NBEA: variants seen among roughly 807,000 people sequenced by gnomAD.
NBEA encodes the protein lysosomal-trafficking regulator 2.
NBEA carries 44 observed loss-of-function variants against 343.4 expected under a neutral mutation model. The ratio of observed to expected loss-of-function variants is 0.13; its 90% confidence interval spans 0.10 to 0.16. The LOEUF (loss-of-function observed/expected upper bound fraction) is 0.16. Ranked by LOEUF, NBEA falls within the 10% of genes least tolerant of loss-of-function variation. The probability of loss-of-function intolerance (pLI) is 1.00; values close to 1 mark genes in which losing one functional copy is unlikely to be tolerated. For synonymous variants in NBEA, 1,175 were observed against 1,238.7 expected, an observed-to-expected ratio of 0.95 and a Z score of 1.08; for missense variants, 2,555 against 3,631.3, an observed-to-expected ratio of 0.70 and a Z score of 7.62.
intron 1 of NBEA, among the ~76,000 whole-genome samples, chr13:35,039,087 C>T (rs1444495600): frequency 6.6e-6 from 1 of 152,116 alleles, no homozygotes; most frequent in Non-Finnish European, 1.5e-5. Flanking sequence ...GGTTGAGATG[C>T]CTTCTTGTGG....
chr13:35,220,572 A>G (rs1055429417), intron 33 of NBEA, among the ~76,000 whole-genome samples: 9 of 151,902 alleles, frequency 5.9e-5, no homozygotes, highest in Non-Finnish European at 1.0e-4. Context: ...TTATTTATTT[A>G]TTTTATAGGT....
chr13:35,265,521 A>C (rs1024204668), intron 34 of NBEA, among the ~76,000 whole-genome samples: 11 of 152,082 alleles, frequency 7.2e-5, no homozygotes, highest in Admixed American at 6.6e-4. Flanking sequence ...ATAGACATAC[A>C]TACCAATAGG....
intron 36 of NBEA, among the ~76,000 whole-genome samples, chr13:35,337,637 G>A (rs920833750): frequency 2.6e-5 from 4 of 151,950 alleles, no homozygotes; most frequent in African/African-American, 4.8e-5. Flanking sequence ...CCTCCCAGCC[G>A]TCTATAGAAT....
intron 13 of NBEA, among the ~76,000 whole-genome samples, chr13:35,112,517 T>C (rs988517690): frequency 1.3e-5 from 2 of 152,158 alleles, no homozygotes; most frequent in African/African-American, 2.4e-5. Flanking sequence ...TTGAATCATA[T>C]CCATCTGACT....
At chr13:35,579,836 T>G (rs768761951) in intron 45 of NBEA, among the ~76,000 whole-genome samples, 4 of 152,112 alleles carry the variant, frequency 2.6e-5, no homozygotes, top group Non-Finnish European at 5.9e-5. Flanking sequence ...GGCACTGAAG[T>G]TTGAGACAGA....
chr13:35,163,748 A>AT (rs1415967546), intron 23 of NBEA, among the ~76,000 whole-genome samples: 1 of 151,858 alleles, frequency 6.6e-6, no homozygotes, highest in Admixed American at 6.6e-5. Context: ...TCCTTTTCTT[A>AT]TTAAATAAGT....
At chr13:35,432,418 A>G (rs753590145) in intron 39 of NBEA, 25 bp downstream of exon 39, 8 of 1,535,494 alleles carry the variant, frequency 5.2e-6, no homozygotes, top group South Asian at 3.8e-5. Context: ...TTCTTCCACA[A>G]AAATACTTCT....
intron 18 of NBEA, 49 bp downstream of exon 18, chr13:35,142,426 A>G (rs1252310182): frequency 1.5e-6 from 2 of 1,376,850 alleles, no homozygotes; most frequent in Admixed American, 1.7e-5. Flanking sequence ...TACAGTGGAA[A>G]CCCTCTTAAT....
chr13:34,951,775 G>A (rs921892887), intron 1 of NBEA, among the ~76,000 whole-genome samples: 3 of 152,184 alleles, frequency 2.0e-5, no homozygotes, highest in African/African-American at 2.4e-5. Flanking sequence ...ACTTTCACAT[G>A]TTGATGTAGT....
intron 38 of NBEA, among the ~76,000 whole-genome samples, chr13:35,370,264 G>A (rs574151922): frequency 1.3e-5 from 2 of 151,890 alleles, no homozygotes; most frequent in South Asian, 4.2e-4. Context: ...CTCTTGCTGA[G>A]TTGGTCCCTT....
rs572323251 is a variant in NBEA at position 35,519,702 on chromosome 13, C to A, written c.6586-30775C>A. On this transcript the variant is annotated intron_variant, in intron 41 of 58. Coordinates refer to ENST00000379939, the MANE Select transcript of NBEA (RefSeq NM_001385012.1). ...ATGGGGTACATGTGATATTTTGATACATGTATACAATGTGTAATGATCAAA... is the reference window on the plus strand; with the variant it reads ...ATGGGGTACATGTGATATTTTGATAAATGTATACAATGTGTAATGATCAAA... Among the ~76,000 whole-genome samples the A allele has an allele frequency of 6.6e-5, 10 of 152,062 alleles. No homozygotes were observed. The South Asian group carries it at 2.1e-3, about 32-fold the overall frequency.
At chr13:35,631,416 C>T (rs1261891700) in intron 49 of NBEA, among the ~76,000 whole-genome samples, 2 of 151,946 alleles carry the variant, frequency 1.3e-5, no homozygotes, top group Non-Finnish European at 2.9e-5. Context: ...AAGATATTAA[C>T]CCTTTTATTG....
At chr13:35,540,146 G>A (rs1594921130) in intron 41 of NBEA, among the ~76,000 whole-genome samples, 1 of 151,658 alleles carries the variant, frequency 6.6e-6, no homozygotes, top group African/African-American at 2.4e-5. Flanking sequence ...AATTTGTCTC[G>A]ACAATTTATA....
At chr13:35,668,982 G>A (rs755635909) in intron 58 of NBEA, among the ~76,000 whole-genome samples, 31 of 152,122 alleles carry the variant, frequency 2.0e-4, no homozygotes, top group Non-Finnish European at 2.9e-4. Flanking sequence ...CGGCACTCAC[G>A]CATTACCCAG....
chr13:35,523,824 T>G (rs751851915), intron 41 of NBEA, among the ~76,000 whole-genome samples: 1 of 152,194 alleles, frequency 6.6e-6, no homozygotes, highest in Non-Finnish European at 1.5e-5. Flanking sequence ...ATTTTCACTT[T>G]TAAATTTTCT....
At chr13:35,645,243 C>T (rs1183143586) in intron 49 of NBEA, among the ~76,000 whole-genome samples, 1 of 152,108 alleles carries the variant, frequency 6.6e-6, no homozygotes, top group African/African-American at 2.4e-5. Context: ...TTACGTGCAA[C>T]CAAATTGCAC....
chr13:35,201,500 A>G (rs967204865), intron 31 of NBEA, among the ~76,000 whole-genome samples: 3 of 151,930 alleles, frequency 2.0e-5, no homozygotes, highest in Admixed American at 1.3e-4. Context: ...TTCTCTTTTA[A>G]GTTTCAACGT....
chr13:35,479,439 G>C (rs1272653827), intron 41 of NBEA, among the ~76,000 whole-genome samples: 2 of 152,156 alleles, frequency 1.3e-5, no homozygotes, highest in East Asian at 1.9e-4. Context: ...TTGTTGAAGC[G>C]AGAATTAAGC....
chr13:35,298,631 TACAAAC>T (rs1354487692), intron 35 of NBEA, among the ~76,000 whole-genome samples: 4 of 152,040 alleles, frequency 2.6e-5, no homozygotes, highest in Middle Eastern at 3.4e-3. Flanking sequence ...ACTTTTTTAT[TACAAAC>T]ACAAATACAA....
Sources: gnomAD v4.1 joint callset for allele counts (sites outside exome capture counted in the v4.1 genomes callset) on GRCh38, gnomAD v4.1.1 for gene constraint, MANE v1.5 for transcripts, NCBI Gene and HGNC (gene_info 2026-07-23, HGNC 2026-07-21) for gene names.